Variants in MB observed in about 807,000 individuals in gnomAD.
The protein encoded by MB is myoglobin.
MB carries 10 observed loss-of-function variants against 14.5 expected under a neutral mutation model. The ratio of observed to expected loss-of-function variants is 0.69; its 90% confidence interval spans 0.43 to 1.17. MB has a LOEUF of 1.17. MB is among the 50% of genes most tolerant of loss of function. The pLI is 0.00. For missense variants in MB, 169 were observed against 192.7 expected, an observed-to-expected ratio of 0.88 and a Z score of 0.73; for synonymous variants, 89 against 78.6, an observed-to-expected ratio of 1.13 and a Z score of -0.70.
chr22:35,619,156 C>T (rs537943198), upstream of MB, among the ~76,000 whole-genome samples: 4 of 152,332 alleles, frequency 2.6e-5, no homozygotes, highest in African/African-American at 9.6e-5. Context: ...AAATAAAACA[C>T]CTTCCTGTGT....
At chr22:35,619,740 T>C (rs1923343091), upstream of MB, among the ~76,000 whole-genome samples, 1 of 152,080 alleles carries the variant, frequency 6.6e-6, no homozygotes, top group Non-Finnish European at 1.5e-5. Context: ...AAACTTGGAG[T>C]TCCCCAGTGC....
At chr22:35,613,273 G>C (rs564274963) in intron 1 of MB, among the ~76,000 whole-genome samples, 1 of 152,328 alleles carries the variant, frequency 6.6e-6, no homozygotes, top group East Asian at 1.9e-4. Context: ...AGACATTTTG[G>C]GGCCTGCCCC....
At chr22:35,620,687 C>T (rs138868137), upstream of MB, among the ~76,000 whole-genome samples, 69 of 152,316 alleles carry the variant, frequency 4.5e-4, no homozygotes, top group African/African-American at 1.6e-3. Flanking sequence ...GAGATTGAGA[C>T]GCAATGTGCG....
At chr22:35,622,930 T>G (rs1186008567) in intron 1 of MB, among the ~76,000 whole-genome samples, 1 of 152,212 alleles carries the variant, frequency 6.6e-6, no homozygotes, top group African/African-American at 2.4e-5. Context: ...AGATGTGCCC[T>G]CTTCCCCACT....
At chr22:35,610,838 C>T (rs747070094) in intron 2 of MB, 46 bp downstream of exon 2, 15 of 1,519,134 alleles carry the variant, frequency 9.9e-6, no homozygotes, top group Admixed American at 3.6e-5. Flanking sequence ...TTGCCCCACC[C>T]GAGGCCTTCC....
At chr22:35,621,556 T>C (rs1156393068), upstream of MB, among the ~76,000 whole-genome samples, 1 of 152,192 alleles carries the variant, frequency 6.6e-6, no homozygotes, top group Non-Finnish European at 1.5e-5. Flanking sequence ...TTTTGTCCAA[T>C]TTCCCACTAA....
chr22:35,617,852 G>T (rs1189951033), upstream of MB, among the ~76,000 whole-genome samples: 1 of 152,150 alleles, frequency 6.6e-6, no homozygotes, highest in Non-Finnish European at 1.5e-5. Context: ...GTGGTCCCAG[G>T]CAAGTCCACA....
intron 2 of MB, among the ~76,000 whole-genome samples, chr22:35,607,960 A>G (rs1446043169): frequency 2.0e-5 from 3 of 152,092 alleles, no homozygotes; most frequent in Non-Finnish European, 4.4e-5. Context: ...TGTTTTAAAG[A>G]CCCTATTTTG....
intron 1 of MB, among the ~76,000 whole-genome samples, chr22:35,613,310 C>G (rs45574441): frequency 0.092 from 13,986 of 152,230 alleles, 728 homozygotes; most frequent in African/African-American, 0.14. Flanking sequence ...GGGAAGAGAA[C>G]ATGGGACTGA....
At chr22:35,620,268 A>C (rs537879215), upstream of MB, among the ~76,000 whole-genome samples, 1 of 152,288 alleles carries the variant, frequency 6.6e-6, no homozygotes, top group African/African-American at 2.4e-5. Flanking sequence ...CGGGAGGCAG[A>C]GGTTGCAGTG....
chr22:35,612,734 G>T (rs1922736954), intron 1 of MB, among the ~76,000 whole-genome samples: 1 of 152,196 alleles, frequency 6.6e-6, no homozygotes, highest in African/African-American at 2.4e-5. Flanking sequence ...CTATACTCTT[G>T]ATGACTATTC....
upstream of MB, among the ~76,000 whole-genome samples, chr22:35,620,589 G>A (rs1166986201): frequency 6.6e-6 from 1 of 152,214 alleles, no homozygotes; most frequent in Non-Finnish European, 1.5e-5. Context: ...GCAGAAAGAA[G>A]GAGATGGCAT....
chr22:35,608,974 C>T lies in MB; in HGVS notation c.319-1531G>A, dbSNP rs1390586017. On this transcript the variant is annotated intron_variant, in intron 2 of 2. Transcript: ENST00000397326. This position sits in a 1 kb window ranked among gnomAD's most constrained non-coding sequence, Gnocchi z 4.3. ...GTCCACCGTGAGGGGGAAAAGCAGA[C>T]ATCTGGGCTCTGTCTCAATTTTTTG... Among the ~76,000 whole-genome samples, 1 of 152,340 alleles carries T rather than the reference C, an allele frequency of 6.6e-6. No individual in the cohort carries two copies. The highest frequency in any genetic ancestry group is 1.9e-4 in the East Asian group (1 of 5,182).
chr22:35,619,935 C>T (rs1310815747), upstream of MB, among the ~76,000 whole-genome samples: 1 of 152,244 alleles, frequency 6.6e-6, no homozygotes, highest in Non-Finnish European at 1.5e-5. Flanking sequence ...TCTGGCGCCC[C>T]TTCCCTAGTG....
At chr22:35,618,135 C>T (rs1028990054), upstream of MB, among the ~76,000 whole-genome samples, 18 of 152,170 alleles carry the variant, frequency 1.2e-4, no homozygotes, top group Non-Finnish European at 2.4e-4. Flanking sequence ...ATTTAATCCC[C>T]GCAAGACCTC....
rs16995880 is a variant in MB, at chr22:35,608,824, A to G, written c.319-1381T>C. On this transcript the variant is annotated intron_variant, in intron 2 of 2. Coordinates refer to ENST00000397326, the MANE Select transcript of MB (RefSeq NM_005368.3). The surrounding 1 kb of genome is among the most constrained non-coding windows in gnomAD (Gnocchi z 4.3). ...ATCTAGAAAACAGTGGAACGGAGCC[A>G]CTGCATAATTGAGAAATGGAAACAC... Among the ~76,000 whole-genome samples, 6,805 of 152,278 alleles carry G rather than the reference A, an allele frequency of 0.045. 339 individuals are homozygous for G. The highest frequency in any genetic ancestry group is 0.13 in the East Asian group (666 of 5,186).
At chr22:35,619,228 G>A (rs1923309793), upstream of MB, among the ~76,000 whole-genome samples, 1 of 152,236 alleles carries the variant, frequency 6.6e-6, no homozygotes, top group African/African-American at 2.4e-5. Flanking sequence ...AGTACAGTTT[G>A]TTTAGTGCTA....
At chr22:35,612,965 CAT>C (rs1353050155) in intron 1 of MB, among the ~76,000 whole-genome samples, 1 of 152,168 alleles carries the variant, frequency 6.6e-6, no homozygotes, top group Non-Finnish European at 1.5e-5. Flanking sequence ...GCCTGAACCA[CAT>C]ACACTCCCTT....
At chr22:35,607,592 A>C in intron 2 of MB, 149 bp from the exon 3 acceptor site, 3 of 683,748 alleles carry the variant, frequency 4.4e-6, no homozygotes, top group Non-Finnish European at 7.4e-6. Flanking sequence ...TGTGATCTCC[A>C]CGGATGAACC....
Sources: gnomAD v4.1 joint callset for allele counts (sites outside exome capture counted in the v4.1 genomes callset) on GRCh38, gnomAD v4.1.1 for gene constraint, Gnocchi (gnomAD v3.1) non-coding constraint, MANE v1.5 for transcripts, NCBI Gene and HGNC (gene_info 2026-07-23, HGNC 2026-07-21) for gene names.